ADGRG6: variants seen among roughly 807,000 people sequenced by gnomAD.
ADGRG6 encodes adhesion G protein-coupled receptor G6.
Under a neutral mutation model 142.4 loss-of-function variants are expected in ADGRG6, and 84 were observed. The ratio of observed to expected loss-of-function variants is 0.59; its 90% CI spans 0.49 to 0.71. The LOEUF (loss-of-function observed/expected upper bound fraction) is 0.71. Ranked by LOEUF, ADGRG6 falls within the 30% of genes least tolerant of loss-of-function variation. The pLI is 0.00. For synonymous variants in ADGRG6, 521 were observed against 520.5 expected (o/e 1.00, Z -0.01); for missense variants, 1,367 against 1,466.6 (o/e 0.93, Z 1.11).
chr6:142,333,344 C>G (rs1220760031), intron 2 of ADGRG6, among the ~76,000 whole-genome samples: 1 of 152,116 alleles, frequency 6.6e-6, no homozygotes, highest in Non-Finnish European at 1.5e-5. Flanking sequence ...GTTATATCCC[C>G]TCTGACCCAT....
At position 142,338,027 on chromosome 6, in the gene ADGRG6, T is replaced by TTTTTTTTTTTTTTTTTTTTTTTTTTTTTG. The variant is rs892007926; in HGVS notation, c.103+28394_103+28395insTTTTTTTTTTTTTTTTTGTTTTTTTTTTT. Among the ~76,000 whole-genome samples the TTTTTTTTTTTTTTTTTTTTTTTTTTTTTG allele has an allele frequency of 6.4e-4, 37 of 58,016 alleles. 3 individuals carry two copies. The highest frequency in any genetic ancestry group is 1.2e-3 in the East Asian group (2 of 1,668). 38.1% of individuals were successfully genotyped at this position (58,016 alleles called of 152,430 possible). A position where few individuals can be genotyped will look rare whatever the true frequency, so the allele number is the denominator to read the frequency against. On this transcript the variant is annotated intron_variant, in intron 2 of 24. Coordinates refer to ENST00000367609, the MANE Select transcript of ADGRG6 (RefSeq NM_198569.3). ...ATGCCTTGTATCTTTGTTTTTTTTT[T>TTTTTTTTTTTTTTTTTTTTTTTTTTTTTG]TTTTTTTTTTTGAGACGGAGTCTCG...
At chr6:142,386,983 C>T (rs549206722) in intron 6 of ADGRG6, among the ~76,000 whole-genome samples, 7 of 152,288 alleles carry the variant, frequency 4.6e-5, no homozygotes, top group East Asian at 3.9e-4. Context: ...GCAGACCCTA[C>T]GCAGACAGGG....
At chr6:142,400,874 G>A in intron 11 of ADGRG6, 1 of 278,508 alleles carries the variant, frequency 3.6e-6, no homozygotes. Context: ...AAAGTACCTT[G>A]TATGTGGATG....
At chr6:142,404,034 A>G (rs989369182) in intron 14 of ADGRG6, 61 bp downstream of exon 14, 10 of 1,271,400 alleles carry the variant, frequency 7.9e-6, no homozygotes, top group Non-Finnish European at 1.1e-5. Flanking sequence ...AAACTTGCTG[A>G]TCACTTAGCA....
intron 1 of ADGRG6, 87 bp downstream of exon 1, chr6:142,302,418 A>G: frequency 7.2e-7 from 1 of 1,383,256 alleles, no homozygotes; most frequent in Admixed American, 2.0e-5. Flanking sequence ...CCCCACCCTC[A>G]AGAGAAATGA....
chr6:142,389,959 A>G (rs1774799076), intron 6 of ADGRG6, among the ~76,000 whole-genome samples: 1 of 151,858 alleles, frequency 6.6e-6, no homozygotes, highest in Non-Finnish European at 1.5e-5. Context: ...CATTACAGAC[A>G]GTAGATATAA....
At chr6:142,371,894 T>C (rs1317892732) in intron 4 of ADGRG6, among the ~76,000 whole-genome samples, 2 of 152,240 alleles carry the variant, frequency 1.3e-5, no homozygotes, top group Non-Finnish European at 2.9e-5. Context: ...CCTAAGAGAA[T>C]AGTATTTACT....
At chr6:142,309,410 C>T (rs1461769797) in intron 1 of ADGRG6, 134 bp from the exon 2 acceptor site, 17 of 535,048 alleles carry the variant, frequency 3.2e-5, no homozygotes, top group Non-Finnish European at 3.9e-5. Context: ...CTTTTAAGTT[C>T]CTCCTCTATT....
intron 2 of ADGRG6, among the ~76,000 whole-genome samples, chr6:142,320,554 C>T (rs942214748): frequency 6.6e-6 from 1 of 152,046 alleles, no homozygotes; most frequent in Non-Finnish European, 1.5e-5. Flanking sequence ...TCCATATGTA[C>T]TGAGGCTTTG....
At chr6:142,379,155 CTTCTG>C (rs1490575117) in intron 4 of ADGRG6, among the ~76,000 whole-genome samples, 2 of 152,210 alleles carry the variant, frequency 1.3e-5, no homozygotes, top group African/African-American at 2.4e-5. Context: ...GTCTGCTCTT[CTTCTG>C]TTATTTCCTA....
rs537801789 is a variant in ADGRG6, at chr6:142,371,735, T to C, written c.1069+942T>C. Among the ~76,000 whole-genome samples the C allele has an allele frequency of 5.6e-4, 86 of 152,258 alleles. 1 individual carries two copies. Among genetic ancestry groups the C allele is most frequent in the African/African-American group, 2.0e-3 (83 of 41,560 alleles). ...CTCCTGACCTCGTGATCGGCCCACC[T>C]TGGCCTCCCAAAATGTTAGGATTAC... On this transcript the variant is annotated intron_variant, in intron 4 of 24. Coordinates refer to ENST00000367609, the MANE Select transcript of ADGRG6 (RefSeq NM_198569.3).
chr6:142,319,045 A>G (rs939445188), intron 2 of ADGRG6, among the ~76,000 whole-genome samples: 2 of 152,186 alleles, frequency 1.3e-5, no homozygotes, highest in South Asian at 2.1e-4. Flanking sequence ...AGGGCACTCA[A>G]TGAAAAAATT....
intron 2 of ADGRG6, among the ~76,000 whole-genome samples, chr6:142,327,161 T>C (rs965790338): frequency 6.6e-6 from 1 of 152,032 alleles, no homozygotes; most frequent in Non-Finnish European, 1.5e-5. Flanking sequence ...GTAATATGAC[T>C]TTTCTAAAAA....
rs1044765182 is a variant in ADGRG6, at chr6:142,381,882, G to A, written c.1070-69G>A. The A allele has an allele frequency of 1.3e-4, 120 of 952,350 alleles. 2 individuals carry two copies. Among genetic ancestry groups the A allele is most frequent in the South Asian group, 7.8e-4 (54 of 69,300 alleles). 59.0% of individuals were successfully genotyped at this position (952,350 alleles called of 1,614,324 possible). ...TAGGGCTGCTTCTATTACATCAACC[G>A]TATGATTTTTCTGGATAATATCACT... On this transcript the variant is annotated intron_variant, in intron 4 of 24. Coordinates refer to ENST00000367609, the MANE Select transcript of ADGRG6 (RefSeq NM_198569.3).
intron 6 of ADGRG6, among the ~76,000 whole-genome samples, chr6:142,385,142 C>T (rs953789942): frequency 4.5e-4 from 69 of 152,252 alleles, no homozygotes; most frequent in African/African-American, 8.9e-4. Context: ...AACATTTATA[C>T]GGTGCTTCAG....
intron 2 of ADGRG6, among the ~76,000 whole-genome samples, chr6:142,365,326 GTCTT>G (rs1213690857): frequency 6.6e-6 from 1 of 152,184 alleles, no homozygotes; most frequent in Non-Finnish European, 1.5e-5. Context: ...ACTGCATGGA[GTCTT>G]TCTTTAATTT....
At chr6:142,351,784 C>T (rs1269794879) in intron 2 of ADGRG6, among the ~76,000 whole-genome samples, 1 of 152,098 alleles carries the variant, frequency 6.6e-6, no homozygotes, top group African/African-American at 2.4e-5. Context: ...AGAAAATATC[C>T]ACTATGCATC....
chr6:142,394,042 A>C, intron 9 of ADGRG6, 84 bp downstream of exon 9: 1 of 897,522 alleles, frequency 1.1e-6, no homozygotes, highest in South Asian at 1.5e-5. Flanking sequence ...AAACAATTAG[A>C]TAGGAAAGAA....
In ADGRG6 at chr6:142,367,633, C is replaced by A; in HGVS notation, c.168C>A (p.Cys56Ter). Residue 56 changes from cysteine (C) to a stop codon, truncating the protein, a stop_gained, in exon 3 of 25, where the codon TGC becomes TGA. Coordinates refer to ENST00000367609, the MANE Select transcript of ADGRG6 (RefSeq NM_198569.3). LOFTEE classifies it high-confidence loss of function. ...SNPSGTFTSPCYPNDYPNSQA... is the reference protein window; with the variant it reads ...SNPSGTFTSP The stretch of plus-strand genomic sequence containing the variant: ...CTTCTGGGACCTTTACTTCTCCATG[C>A]TACCCTAACGACTACCCAAACAGCC... 6.2e-7 allele frequency: 1 copy of A among 1,613,806 alleles called. No individual in the cohort carries two copies. The highest frequency in any genetic ancestry group is 1.7e-5 in the Admixed American group (1 of 59,956).
Sources: allele counts gnomAD v4.1 joint callset (sites outside exome capture counted in the v4.1 genomes callset), GRCh38; gene constraint gnomAD v4.1.1; transcripts MANE v1.5; gene names NCBI Gene and HGNC (gene_info 2026-07-23, HGNC 2026-07-21).